KDM1B: variants seen among roughly 807,000 people sequenced by gnomAD.
The protein encoded by KDM1B is lysine-specific histone demethylase 2.
Under a neutral mutation model 107.4 loss-of-function variants are expected in KDM1B, and 63 were observed. The observed-to-expected ratio is 0.59, with a 90% CI of 0.48 to 0.72. KDM1B has a LOEUF of 0.72. KDM1B is among the 30% of genes least tolerant of loss of function. The pLI is 0.00. For missense variants in KDM1B, 749 were observed against 1,020.8 expected (o/e 0.73, Z 3.63); for synonymous variants, 363 against 363.9 (o/e 1.00, Z 0.03).
intron 5 of KDM1B, 127 bp from the exon 6 acceptor site, chr6:18,166,131 AACTTTCTCT>A: frequency 3.5e-6 from 2 of 577,336 alleles, no homozygotes; most frequent in Non-Finnish European, 3.2e-6. Flanking sequence ...GTGCCATAAT[AACTTTCTCT>A]ACTTTTATAA....
rs1789968288 is a variant in KDM1B at position 18,223,669 on chromosome 6, TC to T, written c.*1678del. 6.6e-6 allele frequency: 1 copy of T among 152,156 alleles called. No individual in the cohort carries two copies. Among genetic ancestry groups the T allele is most frequent in the African/African-American group, 2.4e-5 (1 of 41,422 alleles). 9.4% of individuals were successfully genotyped at this position (152,156 alleles called of 1,614,324 possible). A position where few individuals can be genotyped will look rare whatever the true frequency, so the allele number is the denominator to read the frequency against. ...TAAACTTCCTATCAAGTGACATACT[TC>T]ATTTGATTTTTTGTTTAAGAAGCCA... On this transcript the variant is annotated 3_prime_UTR_variant, in exon 22 of 22. Transcript: ENST00000650836.
intron 8 of KDM1B, 85 bp downstream of exon 8, chr6:18,185,895 G>A (rs1323291883): frequency 7.8e-6 from 10 of 1,284,484 alleles, no homozygotes; most frequent in African/African-American, 7.4e-5. Flanking sequence ...ACAGCTTCAT[G>A]AATTTCTTTC....
chr6:18,199,226 T>C (rs2150969141), intron 12 of KDM1B, among the ~76,000 whole-genome samples: 1 of 151,948 alleles, frequency 6.6e-6, no homozygotes, highest in African/African-American at 2.4e-5. Context: ...GATGGTTCTG[T>C]CAGAGAAAGA....
At chr6:18,165,429 C>T (rs375612588) in intron 5 of KDM1B, among the ~76,000 whole-genome samples, 14 of 152,020 alleles carry the variant, frequency 9.2e-5, no homozygotes, top group South Asian at 4.2e-4. Context: ...CGTACCCCGC[C>T]GCCTTCTCTG....
chr6:18,155,634 T>C lies in KDM1B; in HGVS notation c.-58+63T>C, dbSNP rs368550173. 256 of 152,460 alleles carry C rather than the reference T, an allele frequency of 1.7e-3. No homozygotes were observed. The highest frequency in any genetic ancestry group is 5.6e-3 in the African/African-American group (234 of 41,570). The allele number at this position is 152,460 out of a possible 1,614,324, so 9.4% of individuals were successfully genotyped here. On this transcript the variant is annotated intron_variant, in intron 1 of 21. Transcript: ENST00000650836. This position sits in a 1 kb window ranked among gnomAD's most constrained non-coding sequence, Gnocchi z 6.2. Reference sequence around the variant, plus strand: ...CGTGGCGGATTTCGGGTGACAGCGTTGCACAAAGCAGCTTGGTTGGGGTGC... The same window carrying C: ...CGTGGCGGATTTCGGGTGACAGCGTCGCACAAAGCAGCTTGGTTGGGGTGC...
At chr6:18,196,911 G>A (rs1787685675) in intron 10 of KDM1B, 146 bp from the exon 11 acceptor site, 2 of 715,422 alleles carry the variant, frequency 2.8e-6, no homozygotes, top group Admixed American at 5.4e-5. Context: ...AGGGAGGACT[G>A]TACCTGTTGG....
rs141801297 is a variant in KDM1B at position 18,200,145 on chromosome 6, A to G, written c.1222-294A>G. On this transcript the variant is annotated intron_variant, in intron 12 of 21. Coordinates refer to ENST00000650836, the MANE Select transcript of KDM1B (RefSeq NM_001364614.2). The surrounding 1 kb of genome is among the most constrained non-coding windows in gnomAD (Gnocchi z 4.3). ...TGCCTCGGCCTCCCAAAGTGCTGGT[A>G]TTACAGGCATGAGCTATCGCATCTG... Among the ~76,000 whole-genome samples, 67 of 152,344 alleles carry G rather than the reference A, an allele frequency of 4.4e-4. No individual in the cohort carries two copies. Among genetic ancestry groups the G allele is most frequent in the Admixed American group, 1.8e-3 (28 of 15,304 alleles).
chr6:18,210,437 A>G (rs1246851293), intron 17 of KDM1B, among the ~76,000 whole-genome samples: 1 of 140,472 alleles, frequency 7.1e-6, no homozygotes, highest in Non-Finnish European at 1.5e-5. Context: ...AGCTCACAGC[A>G]GCCTCGAACT....
Position 18,197,925 on chromosome 6 carries a change from CTTTTTTTT to C in KDM1B, c.1221+275_1221+282del, listed in dbSNP as rs1039217550. 2.5e-4 allele frequency among the ~76,000 whole-genome samples: 32 copies of C among 130,014 alleles called. No individual in the cohort carries two copies. The highest frequency in any genetic ancestry group is 2.6e-4 in the Non-Finnish European group (16 of 61,310). The allele number at this position is 130,014 out of a possible 152,430, so 85.3% of individuals were successfully genotyped here. On this transcript the variant is annotated intron_variant, in intron 12 of 21. Coordinates refer to ENST00000650836, the MANE Select transcript of KDM1B (RefSeq NM_001364614.2). The surrounding 1 kb of genome is among the most constrained non-coding windows in gnomAD (Gnocchi z 4.5). ...CTAACTTGGCATTAAAGTAGAAATT[CTTTTTTTT>C]TTTTTTTTTTGAGACAGAGTCTTGC... is the stretch of plus-strand genomic sequence containing the variant.
Position 18,222,091 on chromosome 6 carries a change from C to A in KDM1B, c.*99C>A. 1 of 1,023,418 alleles carries A rather than the reference C, an allele frequency of 9.8e-7. No homozygotes were observed. Among genetic ancestry groups the A allele is most frequent in the Non-Finnish European group, 1.6e-6 (1 of 644,416 alleles). 63.4% of individuals were successfully genotyped at this position (1,023,418 alleles called of 1,614,324 possible). On this transcript the variant is annotated 3_prime_UTR_variant, in exon 22 of 22. Coordinates refer to ENST00000650836, the MANE Select transcript of KDM1B (RefSeq NM_001364614.2). Reference sequence around the variant, plus strand: ...TAAGAGGGGGAAAAAACCGTCTCTACATAGTAAAACTGAAATGTTTCTAAG... The same window carrying A: ...TAAGAGGGGGAAAAAACCGTCTCTAAATAGTAAAACTGAAATGTTTCTAAG...
intron 6 of KDM1B, 92 bp from the exon 7 acceptor site, chr6:18,171,271 C>A: frequency 1.3e-6 from 1 of 766,912 alleles, no homozygotes. Flanking sequence ...GGATTGCTAA[C>A]AGGTTGGAGA....
rs1226489060 is a variant in KDM1B, at chr6:18,203,760, G to A, written c.1532-1777G>A. Among the ~76,000 whole-genome samples the A allele has an allele frequency of 6.6e-6, 1 of 151,266 alleles. No homozygotes were observed. On this transcript the variant is annotated intron_variant, in intron 14 of 21. Coordinates refer to ENST00000650836, the MANE Select transcript of KDM1B (RefSeq NM_001364614.2). The surrounding 1 kb of genome is among the most constrained non-coding windows in gnomAD (Gnocchi z 5.5). ...CCCAGGTATTTGGGATGCTGAGGCA[G>A]GAGAATCACTTGAACCTGGGAGGCA...
intron 7 of KDM1B, among the ~76,000 whole-genome samples, chr6:18,180,821 C>T (rs868304294): frequency 3.2e-4 from 49 of 152,190 alleles, no homozygotes; most frequent in African/African-American, 1.1e-3. Flanking sequence ...CTGTCTTGGC[C>T]TCTCAAAGTG....
intron 20 of KDM1B, 25 bp downstream of exon 20, chr6:18,215,154 A>G (rs374894254): frequency 1.2e-6 from 2 of 1,604,964 alleles, no homozygotes; most frequent in African/African-American, 1.3e-5. Flanking sequence ...GCCCTCCTTG[A>G]AAGGGGCAAG....
At position 18,223,364 on chromosome 6, in the gene KDM1B, T is replaced by C. The variant is rs1789933858; in HGVS notation, c.*1372T>C. 1 of 96,344 alleles carries C rather than the reference T, an allele frequency of 1.0e-5. No individual in the cohort carries two copies. Among genetic ancestry groups the C allele is most frequent in the East Asian group, 3.8e-4 (1 of 2,622 alleles). 6.0% of individuals were successfully genotyped at this position (96,344 alleles called of 1,614,324 possible). A position where few individuals can be genotyped will look rare whatever the true frequency, so the allele number is the denominator to read the frequency against. ...CGCCCCCCGCCCCCCCCAATCAAAG[T>C]GTGGTCCCAAAACAAGCCAACAGCT... On this transcript the variant is annotated 3_prime_UTR_variant, in exon 22 of 22. Coordinates refer to ENST00000650836, the MANE Select transcript of KDM1B (RefSeq NM_001364614.2).
At chr6:18,210,531 AT>A (rs1002936703) in intron 17 of KDM1B, among the ~76,000 whole-genome samples, 7 of 147,272 alleles carry the variant, frequency 4.8e-5, no homozygotes, top group Non-Finnish European at 6.0e-5. Flanking sequence ...CTAATTAAAA[AT>A]TTTTTTTTTG....
intron 6 of KDM1B, among the ~76,000 whole-genome samples, chr6:18,167,272 G>A (rs536872197): frequency 6.6e-5 from 10 of 151,628 alleles, no homozygotes. Flanking sequence ...CAGGAGAATC[G>A]CTTGAACCCA....
At chr6:18,210,351 T>TTTG (rs1788755121) in intron 17 of KDM1B, among the ~76,000 whole-genome samples, 1 of 45,980 alleles carries the variant, frequency 2.2e-5, no homozygotes, top group Non-Finnish European at 4.1e-5. Flanking sequence ...TCTTTTTTTT[T>TTTG]TTTTTTTTTT....
chr6:18,173,067 G>A (rs1396599955), intron 7 of KDM1B, among the ~76,000 whole-genome samples: 1 of 147,394 alleles, frequency 6.8e-6, no homozygotes, highest in Non-Finnish European at 1.5e-5. Flanking sequence ...TCCAGCCTGG[G>A]CAACAAGAGT....
Sources: allele counts gnomAD v4.1 joint callset (sites outside exome capture counted in the v4.1 genomes callset), GRCh38; gene constraint gnomAD v4.1.1; non-coding constraint Gnocchi (gnomAD v3.1); transcripts MANE v1.5; gene names NCBI Gene and HGNC (gene_info 2026-07-23, HGNC 2026-07-21).